The following MARK3 variants were observed in gnomAD, a reference collection of about 807,000 sequenced individuals.
MARK3 encodes the protein microtubule affinity regulating kinase 3.
MARK3 carries 46 observed loss-of-function variants against 90.1 expected under a neutral mutation model. The observed-to-expected ratio is 0.51, with a 90% CI of 0.40 to 0.65. The LOEUF is 0.65. Among genes scored for constraint, MARK3 ranks in the 30% least tolerant of loss-of-function variants. The pLI is 0.00. For synonymous variants in MARK3, 321 were observed against 332.6 expected (o/e 0.97, Z 0.38); for missense variants, 818 against 947.2 (o/e 0.86, Z 1.79).
At chr14:103,418,460 G>A (rs1409338214) in intron 2 of MARK3, among the ~76,000 whole-genome samples, 1 of 151,966 alleles carries the variant, frequency 6.6e-6, no homozygotes, top group Non-Finnish European at 1.5e-5. Flanking sequence ...GAGTTGTCTG[G>A]TGCTTTTATT....
intron 3 of MARK3, among the ~76,000 whole-genome samples, chr14:103,443,645 G>C (rs2092918052): frequency 1.3e-5 from 2 of 152,132 alleles, no homozygotes; most frequent in African/African-American, 2.4e-5. Context: ...TTTGAGGAAG[G>C]GGTCGTCTTT....
chr14:103,389,543 A>AAAAAAAAAAAAAAAAAC (rs1484675422), intron 1 of MARK3, among the ~76,000 whole-genome samples: 1 of 146,120 alleles, frequency 6.8e-6, no homozygotes, highest in African/African-American at 2.5e-5. Context: ...AAAAAAAAAA[A>AAAAAAAAAAAAAAAAAC]AAAAAGCAGA....
In MARK3 at chr14:103,492,003, T is replaced by C. The variant is rs1196018921; in HGVS notation, c.1813T>C (p.Phe605Leu). 1 of 1,614,150 alleles carries C rather than the reference T, an allele frequency of 6.2e-7. No homozygotes were observed. The highest frequency in any genetic ancestry group is 1.7e-5 in the Admixed American group (1 of 60,012). Reference sequence around the variant, plus strand: ...TCGAAGCCGAGGCTCCACTAATCTCTTTAGTAAATTAACTTCAAAACTCAC... The same window carrying C: ...TCGAAGCCGAGGCTCCACTAATCTCCTTAGTAAATTAACTTCAAAACTCAC... ...QTRSRGSTNLFSKLTSKLTRR... is the reference protein window; with the variant it reads ...QTRSRGSTNLLSKLTSKLTRR... Residue 605 changes from phenylalanine (F) to leucine (L), a missense_variant, in exon 15 of 18, where the codon TTT (phenylalanine) becomes CTT (leucine). Transcript: ENST00000429436.
In MARK3 at chr14:103,462,386, C is replaced by G; in HGVS notation, c.484-19C>G. 1 of 1,578,800 alleles carries G rather than the reference C, an allele frequency of 6.3e-7. No homozygotes were observed. Among genetic ancestry groups the G allele is most frequent in the Non-Finnish European group, 8.7e-7 (1 of 1,151,146 alleles). On this transcript the variant is annotated intron_variant, in intron 6 of 17. Transcript: ENST00000429436. ...GAATCTGCACCAGTGATGACTGACT[C>G]TGCGTCTCTCCTATTCAGATTGTGT...
intron 15 of MARK3, among the ~76,000 whole-genome samples, chr14:103,495,509 G>T (rs891936916): frequency 1.1e-4 from 16 of 151,838 alleles, no homozygotes; most frequent in Admixed American, 7.9e-4. Context: ...GGCTGAGCCA[G>T]GTCTATCTGA....
At chr14:103,391,282 G>GC (rs1450586192) in intron 1 of MARK3, among the ~76,000 whole-genome samples, 1 of 152,100 alleles carries the variant, frequency 6.6e-6, no homozygotes, top group African/African-American at 2.4e-5. Context: ...TATGTACTTA[G>GC]CCCCCCATGT....
intron 13 of MARK3, among the ~76,000 whole-genome samples, chr14:103,477,312 T>TG (rs1422276763): frequency 1.3e-5 from 2 of 152,088 alleles, no homozygotes; most frequent in Non-Finnish European, 2.9e-5. Context: ...GCCAACATGG[T>TG]GAAATCCCAT....
At chr14:103,401,760 C>T (rs554182963) in intron 1 of MARK3, among the ~76,000 whole-genome samples, 1 of 151,972 alleles carries the variant, frequency 6.6e-6, no homozygotes, top group East Asian at 1.9e-4. Context: ...ATAGTATTGT[C>T]TACAAAAAAA....
intron 12 of MARK3, among the ~76,000 whole-genome samples, chr14:103,469,641 C>T (rs557795824): frequency 2.6e-5 from 4 of 151,866 alleles, no homozygotes; most frequent in Non-Finnish European, 5.9e-5. Flanking sequence ...TTAGTAGAGA[C>T]GGGATTTCAC....
In MARK3 at chr14:103,480,500, T is replaced by C; in HGVS notation, c.1586+10T>C. 8 of 1,526,956 alleles carry C rather than the reference T, an allele frequency of 5.2e-6. No homozygotes were observed. Among genetic ancestry groups the C allele is most frequent in the African/African-American group, 1.4e-5 (1 of 73,096 alleles). The allele number at this position is 1,526,956 out of a possible 1,614,324, so 94.6% of individuals were successfully genotyped here. A position where few individuals can be genotyped will look rare whatever the true frequency, so the allele number is the denominator to read the frequency against. On this transcript the variant is annotated intron_variant, in intron 14 of 17. Coordinates refer to ENST00000429436, the MANE Select transcript of MARK3 (RefSeq NM_001128918.3). ...ATGGCAAAGAAAACAGGTAGGAGAT[T>C]CTACCTGTTTGTAAGAAAAGTTGTT...
chr14:103,499,219 C>G (rs761523325), intron 16 of MARK3: 5 of 152,160 alleles, frequency 3.3e-5, no homozygotes, highest in Admixed American at 2.0e-4. Flanking sequence ...TGCCTGTAAT[C>G]CCAGCACTTT....
At chr14:103,467,928 G>T in intron 11 of MARK3, 105 bp from the exon 12 acceptor site, 1 of 1,128,152 alleles carries the variant, frequency 8.9e-7, no homozygotes, top group Non-Finnish European at 1.2e-6. Context: ...TCCTCTCTCT[G>T]AATGAACGGT....
intron 17 of MARK3, among the ~76,000 whole-genome samples, chr14:103,501,389 C>T (rs1053019973): frequency 6.6e-6 from 1 of 152,184 alleles, no homozygotes; most frequent in African/African-American, 2.4e-5. Context: ...TAAGTTGGGG[C>T]CTGACCACCA....
intron 14 of MARK3, among the ~76,000 whole-genome samples, chr14:103,481,757 C>CTTTTTCTTTTTTT (rs2093824093): frequency 2.0e-5 from 1 of 49,778 alleles, no homozygotes; most frequent in Non-Finnish European, 3.3e-5. Flanking sequence ...ATAGGTATTT[C>CTTTTTCTTTTTTT]TTTTTTTTTT....
intron 14 of MARK3, among the ~76,000 whole-genome samples, chr14:103,480,859 G>A (rs1182659816): frequency 1.4e-4 from 21 of 152,208 alleles, no homozygotes; most frequent in African/African-American, 4.8e-5. Flanking sequence ...AGATAAGGAC[G>A]TGAGGCAGAG....
At chr14:103,479,803 G>A (rs1436191042) in intron 13 of MARK3, among the ~76,000 whole-genome samples, 1 of 151,890 alleles carries the variant, frequency 6.6e-6, no homozygotes, top group Non-Finnish European at 1.5e-5. Context: ...ACCACAGCCA[G>A]CTAATTTTGT....
chr14:103,413,064 G>A (rs188244923), intron 2 of MARK3, among the ~76,000 whole-genome samples: 5 of 151,648 alleles, frequency 3.3e-5, no homozygotes, highest in African/African-American at 1.2e-4. Context: ...TAGTAGAGAC[G>A]GGTTTCTCCA....
At chr14:103,417,857 A>G (rs146375459) in intron 2 of MARK3, among the ~76,000 whole-genome samples, 4,921 of 152,236 alleles carry the variant, frequency 0.032, 123 homozygotes, top group Middle Eastern at 0.082. Context: ...ACTTGAGGTC[A>G]GGAGTTTGAG....
At position 103,442,406 on chromosome 14, in the gene MARK3, A is replaced by G. The variant is rs183341082; in HGVS notation, c.298-6513A>G. ...AATAACAGCACTTCCATTAGCCCAT[A>G]GTATAGCTGTTTTAATCCCCTTTTC... On this transcript the variant is annotated intron_variant, in intron 3 of 17. Transcript: ENST00000429436. 2.4e-3 allele frequency among the ~76,000 whole-genome samples: 371 copies of G among 152,092 alleles called. 1 individual carries two copies. The highest frequency in any genetic ancestry group is 6.8e-3 in the Middle Eastern group (2 of 294).
Sources: allele counts gnomAD v4.1 joint callset (sites outside exome capture counted in the v4.1 genomes callset), GRCh38; gene constraint gnomAD v4.1.1; transcripts MANE v1.5; gene names NCBI Gene and HGNC (gene_info 2026-07-23, HGNC 2026-07-21).